The following EPRS1 variants were observed in gnomAD, a reference collection of about 807,000 sequenced individuals.
EPRS1 encodes bifunctional glutamate/proline--tRNA ligase.
In EPRS1, 107 loss-of-function variants were observed where a neutral mutation model predicts 188.3. The observed-to-expected ratio is 0.57, with a 90% CI of 0.49 to 0.67. The LOEUF (loss-of-function observed/expected upper bound fraction) is 0.67, where lower values mean the gene tolerates loss of function less well. EPRS1 is among the 30% of genes least tolerant of loss of function. The pLI is 0.00. For missense variants in EPRS1, 1,577 were observed against 1,802.2 expected (o/e 0.88, Z 2.26); for synonymous variants, 596 against 593.1 (o/e 1.00, Z -0.07).
At position 220,041,230 on chromosome 1, in the gene EPRS1, G is replaced by A. The variant is rs568548465; in HGVS notation, c.47-961C>T. The stretch of plus-strand genomic sequence containing the variant: ...ACCTGTGGTCCCAGCTACCCAGGGG[G>A]CTGAGGTGGCAGGACTGCTTGAGCC... On this transcript the variant is annotated intron_variant, in intron 1 of 31. Transcript: ENST00000366923. Among the ~76,000 whole-genome samples the A allele has an allele frequency of 1.2e-3, 187 of 152,150 alleles. 2 individuals carry two copies. The South Asian group carries it at 0.027, about 22-fold the overall frequency.
intron 16 of EPRS1, among the ~76,000 whole-genome samples, chr1:220,002,328 G>A (rs1661369615): frequency 7.8e-6 from 1 of 128,300 alleles, no homozygotes; most frequent in African/African-American, 2.6e-5. Context: ...GAGAAACTCT[G>A]CCTCAATGGA....
intron 12 of EPRS1, among the ~76,000 whole-genome samples, chr1:220,016,468 T>C (rs1379212280): frequency 6.6e-6 from 1 of 151,060 alleles, no homozygotes; most frequent in Admixed American, 6.6e-5. Context: ...TGGATTGCAG[T>C]GGTGTGATCA....
At chr1:220,037,949 T>C (rs914360735) in intron 2 of EPRS1, among the ~76,000 whole-genome samples, 1 of 152,052 alleles carries the variant, frequency 6.6e-6, no homozygotes, top group African/African-American at 2.4e-5. Context: ...ATAATGTAAA[T>C]ACAGAATGGT....
Position 219,979,458 on chromosome 1 carries a change from T to G in EPRS1, c.3869A>C (p.Asn1290Thr). 2 of 1,614,124 alleles carry G rather than the reference T, an allele frequency of 1.2e-6. No individual in the cohort carries two copies. The highest frequency in any genetic ancestry group is 1.7e-6 in the Non-Finnish European group (2 of 1,179,972). Residue 1290 changes from asparagine to threonine, a missense_variant, in exon 27 of 32, where the codon AAC (asparagine) becomes ACC (threonine). Asn to Thr is a moderately conservative substitution (Grantham distance 65). This residue lies in a region of EPRS1 where 296 missense variants were observed against 327.9 expected (regional missense o/e 0.90). Coordinates refer to ENST00000366923, the MANE Select transcript of EPRS1 (RefSeq NM_004446.3). Reference sequence around the variant, plus strand: ...ACGGGGTGGTAATACTAAACCCATGTTGTCCCCATGAACCATGGTCATAAC... The same window carrying G: ...ACGGGGTGGTAATACTAAACCCATGGTGTCCCCATGAACCATGGTCATAAC... The part of the protein sequence containing the change: ...IGVMTMVHGD[N>T]MGLVLPPRVA...
intron 28 of EPRS1, among the ~76,000 whole-genome samples, chr1:219,976,625 AT>A (rs1660786562): frequency 6.6e-6 from 1 of 152,170 alleles, no homozygotes; most frequent in Non-Finnish European, 1.5e-5. Context: ...TTGCTTTGTT[AT>A]AAGTTGGTGA....
intron 6 of EPRS1, among the ~76,000 whole-genome samples, chr1:220,029,646 T>C (rs1419303577): frequency 6.6e-6 from 1 of 152,222 alleles, no homozygotes; most frequent in Non-Finnish European, 1.5e-5. Flanking sequence ...ATTTTCCTAA[T>C]GGTTAATTTT....
chr1:219,984,944 G>T (rs1660976934), intron 20 of EPRS1, among the ~76,000 whole-genome samples: 1 of 151,872 alleles, frequency 6.6e-6, no homozygotes, highest in African/African-American at 2.4e-5. Flanking sequence ...GGAGGCTGAG[G>T]CAGGAGAATG....
At chr1:220,043,105 C>T (rs1299925434) in intron 1 of EPRS1, among the ~76,000 whole-genome samples, 1 of 151,904 alleles carries the variant, frequency 6.6e-6, no homozygotes, top group African/African-American at 2.4e-5. Flanking sequence ...GAAGATGAGT[C>T]GCTATTAGGT....
chr1:220,008,555 A>G (rs1661541585), intron 13 of EPRS1, among the ~76,000 whole-genome samples: 1 of 152,240 alleles, frequency 6.6e-6, no homozygotes, highest in African/African-American at 2.4e-5. Flanking sequence ...GACAGGCTAA[A>G]TAAAAAATAC....
intron 28 of EPRS1, 108 bp from the exon 29 acceptor site, chr1:219,973,506 A>C: frequency 1.4e-6 from 1 of 724,718 alleles, no homozygotes; most frequent in South Asian, 3.5e-5. Flanking sequence ...CCCAAAAAAC[A>C]AAGGCAAAGC....
chr1:220,007,718 T>C (rs755735353), intron 13 of EPRS1, among the ~76,000 whole-genome samples: 1 of 152,204 alleles, frequency 6.6e-6, no homozygotes, highest in South Asian at 2.1e-4. Flanking sequence ...GCTAAGACAG[T>C]ATACTTTATC....
intron 28 of EPRS1, 111 bp from the exon 29 acceptor site, chr1:219,973,509 G>T (rs1222223246): frequency 6.5e-6 from 4 of 618,502 alleles, no homozygotes; most frequent in Non-Finnish European, 9.5e-6. Context: ...AAAAAACAAA[G>T]GCAAAGCCAA....
chr1:220,016,524 C>T (rs1017512358), intron 12 of EPRS1, among the ~76,000 whole-genome samples: 18 of 150,722 alleles, frequency 1.2e-4, no homozygotes, highest in African/African-American at 4.1e-4. Flanking sequence ...GATCCTCCCA[C>T]CTCAGCCTCC....
rs1459973355 is a variant in EPRS1, at chr1:219,972,151, C to T, written c.4245-4G>A. 4 of 1,544,782 alleles carry T rather than the reference C, an allele frequency of 2.6e-6. No homozygotes were observed. Among genetic ancestry groups the T allele is most frequent in the Admixed American group, 2.0e-5 (1 of 51,188 alleles). On this transcript the variant is annotated splice_polypyrimidine_tract_variant and splice_region_variant and intron_variant, in intron 29 of 31. Transcript: ENST00000366923. ...AGTCTTAAGGTCTTCAGAAGCCCTACCAAACAAAATTAGAAAACAATACAT... is the reference window on the plus strand; with the variant it reads ...AGTCTTAAGGTCTTCAGAAGCCCTATCAAACAAAATTAGAAAACAATACAT...
Position 219,984,360 on chromosome 1 carries a change from G to T in EPRS1, c.3039-103C>A. 11 of 782,304 alleles carry T rather than the reference G, an allele frequency of 1.4e-5. No homozygotes were observed. The South Asian group carries it at 1.5e-4, about 11-fold the overall frequency. 48.5% of individuals were successfully genotyped at this position (782,304 alleles called of 1,614,324 possible). A position where few individuals can be genotyped will look rare whatever the true frequency, so the allele number is the denominator to read the frequency against. ...TTCAAAATAGATTAGTCTTTCTTCA[G>T]TATGAGTTATTTCTGTATTTGTAAC... On this transcript the variant is annotated intron_variant, in intron 20 of 31. Transcript: ENST00000366923.
At chr1:220,038,677 C>T (rs1662234944) in intron 2 of EPRS1, among the ~76,000 whole-genome samples, 2 of 152,132 alleles carry the variant, frequency 1.3e-5, no homozygotes, top group South Asian at 4.1e-4. Context: ...TGCGCCTGGC[C>T]ACATACCCTG....
chr1:220,032,615 G>A, intron 4 of EPRS1, 89 bp from the exon 5 acceptor site: 1 of 1,275,078 alleles, frequency 7.8e-7, no homozygotes. Context: ...TAATTGAGAT[G>A]GCTTAAAGTT....
intron 27 of EPRS1, among the ~76,000 whole-genome samples, chr1:219,979,174 C>A (rs1461266678): frequency 6.6e-6 from 1 of 152,018 alleles, no homozygotes; most frequent in Non-Finnish European, 1.5e-5. Flanking sequence ...TACTATAAAC[C>A]GTTTTTAAAA....
chr1:219,988,911 A>ACGCCTGT, intron 18 of EPRS1, 88 bp from the exon 19 acceptor site: 2 of 750,594 alleles, frequency 2.7e-6, no homozygotes, highest in African/African-American at 3.5e-5. Flanking sequence ...AATTATCAGC[A>ACGCCTGT]AATCATTCCC....
Sources: gnomAD v4.1 joint callset for allele counts (sites outside exome capture counted in the v4.1 genomes callset) on GRCh38, gnomAD v4.1.1 for gene constraint, gnomAD v4.1.1 regional missense constraint, MANE v1.5 for transcripts, NCBI Gene and HGNC (gene_info 2026-07-23, HGNC 2026-07-21) for gene names.